RGS17: variants seen among roughly 807,000 people sequenced by gnomAD.
RGS17 encodes regulator of G protein signaling 17.
RGS17 carries 12 observed loss-of-function variants against 25.5 expected under a neutral mutation model. The ratio of observed to expected loss-of-function variants is 0.47; its 90% CI spans 0.30 to 0.76. RGS17 has a LOEUF of 0.76. Among genes scored for constraint, RGS17 ranks in the 30% least tolerant of loss-of-function variants. RGS17 has a pLI of 0.07. For synonymous variants in RGS17, 71 were observed against 76.9 expected (o/e 0.92, Z 0.40); for missense variants, 196 against 242.2 (o/e 0.81, Z 1.27).
intron 3 of RGS17, among the ~76,000 whole-genome samples, chr6:153,025,953 C>A (rs1465757803): frequency 6.6e-6 from 1 of 151,598 alleles, no homozygotes; most frequent in African/African-American, 2.4e-5. Flanking sequence ...AAAGCACTTA[C>A]AATTATATGA....
At chr6:153,032,265 G>C (rs1419294753) in intron 2 of RGS17, among the ~76,000 whole-genome samples, 1 of 152,112 alleles carries the variant, frequency 6.6e-6, no homozygotes, top group East Asian at 1.9e-4. Flanking sequence ...TTTGAGTGGG[G>C]TGTGTGGGGA....
At chr6:153,113,308 C>T (rs1337374554) in intron 1 of RGS17, among the ~76,000 whole-genome samples, 1 of 151,950 alleles carries the variant, frequency 6.6e-6, no homozygotes, top group East Asian at 1.9e-4. Context: ...AGACTTTAAA[C>T]CAACAAAAAT....
Position 153,008,340 on chromosome 6 carries a change from AACAT to A in RGS17, c.*3230_*3233del, listed in dbSNP as rs1562310235. ...ATATTTTAAGATTTCAAAAAAAAAA[AACAT>A]CACATTATGGTCTTGACTTCTGCAT... On this transcript the variant is annotated 3_prime_UTR_variant, in exon 5 of 5. Coordinates refer to ENST00000206262, the MANE Select transcript of RGS17 (RefSeq NM_012419.5). 6.6e-6 allele frequency: 1 copy of A among 152,154 alleles called. No individual in the cohort carries two copies. The highest frequency in any genetic ancestry group is 1.5e-5 in the Non-Finnish European group (1 of 68,028). The allele number at this position is 152,154 out of a possible 1,614,324, so 9.4% of individuals were successfully genotyped here. A position where few individuals can be genotyped will look rare whatever the true frequency, so the allele number is the denominator to read the frequency against.
intron 1 of RGS17, among the ~76,000 whole-genome samples, chr6:153,048,173 T>A (rs1428513812): frequency 6.6e-6 from 1 of 152,218 alleles, no homozygotes; most frequent in East Asian, 1.9e-4. Context: ...CATGCTCTAA[T>A]CTGCCCTCAT....
intron 1 of RGS17, among the ~76,000 whole-genome samples, chr6:153,069,920 C>T (rs1776763685): frequency 6.6e-6 from 1 of 152,134 alleles, no homozygotes; most frequent in African/African-American, 2.4e-5. Context: ...AATGTATTCT[C>T]AGCAAACTGG....
chr6:153,120,345 G>C (rs1267164991), intron 1 of RGS17, among the ~76,000 whole-genome samples: 1 of 152,146 alleles, frequency 6.6e-6, no homozygotes, highest in Non-Finnish European at 1.5e-5. Flanking sequence ...CATGTCTTAT[G>C]ACATCCTTAT....
In RGS17 at chr6:153,007,547, CTA is replaced by C. The variant is rs1284044852; in HGVS notation, c.*4025_*4026del. 1 of 151,914 alleles carries C rather than the reference CTA, an allele frequency of 6.6e-6. No homozygotes were observed. The highest frequency in any genetic ancestry group is 1.5e-5 in the Non-Finnish European group (1 of 67,952). 9.4% of individuals were successfully genotyped at this position (151,914 alleles called of 1,614,324 possible). A position where few individuals can be genotyped will look rare whatever the true frequency, so the allele number is the denominator to read the frequency against. On this transcript the variant is annotated 3_prime_UTR_variant, in exon 5 of 5. Coordinates refer to ENST00000206262, the MANE Select transcript of RGS17 (RefSeq NM_012419.5). The stretch of plus-strand genomic sequence containing the variant: ...TTCAAAATACATGTTTGATAGGCTT[CTA>C]TCTATAGGCATTTTCTGTCTAAGAC...
intron 4 of RGS17, among the ~76,000 whole-genome samples, 185 bp from the exon 5 acceptor site, chr6:153,011,947 T>TAAACA (rs36102124): frequency 7.9e-5 from 12 of 151,680 alleles, no homozygotes; most frequent in Middle Eastern, 3.4e-3. Flanking sequence ...TTGCACTAAA[T>TAAACA]AAAAAAATCC....
chr6:153,022,235 T>C (rs1313842437), intron 4 of RGS17, among the ~76,000 whole-genome samples: 1 of 152,108 alleles, frequency 6.6e-6, no homozygotes, highest in Non-Finnish European at 1.5e-5. Flanking sequence ...AACAAACCTC[T>C]ATTACTTTAG....
intron 1 of RGS17, among the ~76,000 whole-genome samples, chr6:153,079,332 C>A (rs2129118846): frequency 6.6e-6 from 1 of 152,258 alleles, no homozygotes; most frequent in South Asian, 2.1e-4. Context: ...CCCGCTTCTG[C>A]CTCCCAAAAT....
At chr6:153,066,995 G>T (rs138049040) in intron 1 of RGS17, among the ~76,000 whole-genome samples, 40 of 152,070 alleles carry the variant, frequency 2.6e-4, no homozygotes, top group African/African-American at 8.4e-4. Flanking sequence ...AGCTGAGATC[G>T]CACCAATGCA....
rs527428610 is a variant in RGS17 at position 153,005,046 on chromosome 6, G to A, written c.*6528C>T. 1 of 152,258 alleles carries A rather than the reference G, an allele frequency of 6.6e-6. No homozygotes were observed. Among genetic ancestry groups the A allele is most frequent in the Admixed American group, 6.5e-5 (1 of 15,290 alleles). The allele number at this position is 152,258 out of a possible 1,614,324, so 9.4% of individuals were successfully genotyped here. On this transcript the variant is annotated 3_prime_UTR_variant, in exon 5 of 5. Coordinates refer to ENST00000206262, the MANE Select transcript of RGS17 (RefSeq NM_012419.5). ...ACATTTAAAAATCATATACAAGAAA[G>A]GTGTTTATGACAAATCGGTTAAAGC...
chr6:153,122,163 C>G (rs1233107712), intron 1 of RGS17, among the ~76,000 whole-genome samples: 2 of 152,130 alleles, frequency 1.3e-5, no homozygotes, highest in Non-Finnish European at 2.9e-5. Flanking sequence ...GTGCCTCCCC[C>G]TCTATTCTCA....
chr6:153,124,166 G>T (rs1777674527), intron 1 of RGS17, among the ~76,000 whole-genome samples: 1 of 152,124 alleles, frequency 6.6e-6, no homozygotes, highest in Admixed American at 6.5e-5. Flanking sequence ...GTTGTATTTA[G>T]CTATGACTTC....
At position 153,008,451 on chromosome 6, in the gene RGS17, C is replaced by A. The variant is rs1438665239; in HGVS notation, c.*3123G>T. On this transcript the variant is annotated 3_prime_UTR_variant, in exon 5 of 5. Coordinates refer to ENST00000206262, the MANE Select transcript of RGS17 (RefSeq NM_012419.5). ...AACACTGTCAGAGCATCTCTACTAC[C>A]TTTGGATAACATCATAACAGCCCGA... 1 of 152,174 alleles carries A rather than the reference C, an allele frequency of 6.6e-6. No individual in the cohort carries two copies. The highest frequency in any genetic ancestry group is 2.1e-4 in the South Asian group (1 of 4,834). The allele number at this position is 152,174 out of a possible 1,614,324, so 9.4% of individuals were successfully genotyped here. A position where few individuals can be genotyped will look rare whatever the true frequency, so the allele number is the denominator to read the frequency against.
chr6:153,123,000 C>CTCCA (rs1777657686), intron 1 of RGS17, among the ~76,000 whole-genome samples: 4 of 69,444 alleles, frequency 5.8e-5, no homozygotes, highest in African/African-American at 2.0e-4. Flanking sequence ...CATTGGAGTA[C>CTCCA]ATCAGAGTAC....
rs140464450 is a variant in RGS17, at chr6:153,108,033, T to C, written c.-26+23091A>G. On this transcript the variant is annotated intron_variant, in intron 1 of 4. Coordinates refer to ENST00000206262, the MANE Select transcript of RGS17 (RefSeq NM_012419.5). The stretch of plus-strand genomic sequence containing the variant: ...AAATAGTGCTTCTCCTATGATATGA[T>C]TGGAAACCCTGAGTTCATGTCAGTT... 2.8e-3 allele frequency among the ~76,000 whole-genome samples: 430 copies of C among 152,278 alleles called. 4 individuals are homozygous for C. Among genetic ancestry groups the C allele is most frequent in the African/African-American group, 9.4e-3 (391 of 41,554 alleles).
At chr6:153,087,830 A>C (rs1392365613) in intron 1 of RGS17, among the ~76,000 whole-genome samples, 1 of 152,184 alleles carries the variant, frequency 6.6e-6, no homozygotes, top group East Asian at 1.9e-4. Context: ...TAAAGGGAGA[A>C]GACTTCTGAG....
chr6:153,095,526 A>T (rs1777197351), intron 1 of RGS17, among the ~76,000 whole-genome samples: 1 of 152,174 alleles, frequency 6.6e-6, no homozygotes, highest in Non-Finnish European at 1.5e-5. Flanking sequence ...TTGAATCTGT[A>T]ATATAGCAGG....
Sources: gnomAD v4.1 joint callset for allele counts (sites outside exome capture counted in the v4.1 genomes callset) on GRCh38, gnomAD v4.1.1 for gene constraint, MANE v1.5 for transcripts, NCBI Gene and HGNC (gene_info 2026-07-23, HGNC 2026-07-21) for gene names.